The following GRIK1 variants were observed in gnomAD, a reference collection of about 807,000 sequenced individuals.
GRIK1 encodes the protein glutamate ionotropic receptor kainate type subunit 1.
A neutral mutation model predicts 105.7 loss-of-function variants in GRIK1; 69 were observed. That is an observed-to-expected ratio of 0.65 (90% CI 0.54 to 0.80). The LOEUF (loss-of-function observed/expected upper bound fraction) is 0.80, where lower values mean the gene tolerates loss of function less well. GRIK1 is among the 30% of genes least tolerant of loss of function. The probability of loss-of-function intolerance (pLI) is 0.00; values close to 1 mark genes in which losing one functional copy is unlikely to be tolerated. For missense variants in GRIK1, 1,109 were observed against 1,167.3 expected (o/e 0.95, Z 0.73); for synonymous variants, 438 against 431.3 (o/e 1.02, Z -0.19).
intron 1 of GRIK1, among the ~76,000 whole-genome samples, chr21:29,851,256 C>T (rs1601852700): frequency 6.6e-6 from 1 of 151,966 alleles, no homozygotes; most frequent in Admixed American, 6.6e-5. Context: ...GGTTTCACCA[C>T]GTTGGCCAGG....
chr21:29,672,219 G>A (rs917036118), intron 4 of GRIK1, among the ~76,000 whole-genome samples: 2 of 151,640 alleles, frequency 1.3e-5, no homozygotes, highest in Non-Finnish European at 2.9e-5. Context: ...CACCATGCCC[G>A]GCTAATTTCA....
chr21:29,797,276 G>A (rs17188538), intron 1 of GRIK1, among the ~76,000 whole-genome samples: 1,823 of 152,278 alleles, frequency 0.012, 12 homozygotes, highest in Non-Finnish European at 0.015. Flanking sequence ...GTCTGAGGAA[G>A]CCACGCAGAA....
chr21:29,687,659 G>A (rs1013001792), intron 3 of GRIK1, among the ~76,000 whole-genome samples: 5 of 152,188 alleles, frequency 3.3e-5, no homozygotes, highest in East Asian at 1.9e-4. Flanking sequence ...TCAGTTTCTT[G>A]TAGAAGATGA....
intron 1 of GRIK1, among the ~76,000 whole-genome samples, chr21:29,891,671 A>G (rs1296642370): frequency 2.0e-5 from 3 of 152,212 alleles, no homozygotes; most frequent in Admixed American, 2.0e-4. Context: ...ACCATATCAG[A>G]TCCTTCAGAT....
chr21:29,643,500 A>C (rs1375168334), intron 6 of GRIK1, among the ~76,000 whole-genome samples: 2 of 152,252 alleles, frequency 1.3e-5, no homozygotes, highest in East Asian at 3.8e-4. Flanking sequence ...TAGTCATGGA[A>C]TGAAACTCAA....
chr21:29,575,214 A>G (rs142380415), intron 14 of GRIK1, among the ~76,000 whole-genome samples: 1,639 of 152,294 alleles, frequency 0.011, 19 homozygotes, highest in South Asian at 0.029. Flanking sequence ...TATACAAAGA[A>G]ATGTGTACTT....
chr21:29,788,075 G>T (rs1181879590), intron 1 of GRIK1, among the ~76,000 whole-genome samples: 1 of 152,126 alleles, frequency 6.6e-6, no homozygotes, highest in Non-Finnish European at 1.5e-5. Flanking sequence ...AACAGTTATA[G>T]GTGATAAAGA....
At chr21:29,838,734 C>T (rs1310818462) in intron 1 of GRIK1, among the ~76,000 whole-genome samples, 1 of 152,118 alleles carries the variant, frequency 6.6e-6, no homozygotes. Flanking sequence ...AGCAGAGACT[C>T]TAAAATTATT....
intron 1 of GRIK1, among the ~76,000 whole-genome samples, chr21:29,787,487 C>A (rs1360754095): frequency 1.3e-5 from 2 of 152,146 alleles, no homozygotes; most frequent in African/African-American, 4.8e-5. Context: ...TTAATTGATT[C>A]TCTGTAACTT....
intron 1 of GRIK1, among the ~76,000 whole-genome samples, chr21:29,890,882 G>T (rs1047467644): frequency 2.0e-5 from 3 of 152,098 alleles, no homozygotes; most frequent in Non-Finnish European, 4.4e-5. Flanking sequence ...ATAATGAAGT[G>T]CCAGAAAAAG....
At chr21:29,861,140 A>G (rs907345926) in intron 1 of GRIK1, among the ~76,000 whole-genome samples, 11 of 152,144 alleles carry the variant, frequency 7.2e-5, no homozygotes, top group African/African-American at 2.7e-4. Context: ...ATGTCTTCCA[A>G]TCTCCCGGTT....
In GRIK1 at chr21:29,614,258, G is replaced by A. The variant is rs1422917392; in HGVS notation, c.1099-15321C>T. ...CTCCTGCATCCCGTCAGTCCTGGAG[G>A]CATTTACGCTGATCTCTGTGCATTT... On this transcript the variant is annotated intron_variant, in intron 7 of 17. Transcript: ENST00000327783. 8.5e-5 allele frequency among the ~76,000 whole-genome samples: 13 copies of A among 152,204 alleles called. No individual in the cohort carries two copies. The South Asian group carries it at 2.5e-3, about 29-fold the overall frequency.
chr21:29,643,752 T>C (rs779229590), intron 6 of GRIK1, among the ~76,000 whole-genome samples: 10 of 152,356 alleles, frequency 6.6e-5, no homozygotes, highest in Middle Eastern at 3.4e-3. Context: ...AATCTTATAA[T>C]ACCCTTGCAT....
At chr21:29,686,435 C>T (rs1444753937) in intron 3 of GRIK1, among the ~76,000 whole-genome samples, 1 of 152,088 alleles carries the variant, frequency 6.6e-6, no homozygotes, top group Non-Finnish European at 1.5e-5. Context: ...GGCATGAAAA[C>T]CCAGAAACCA....
At chr21:29,560,684 C>T (rs927145140) in intron 15 of GRIK1, among the ~76,000 whole-genome samples, 1 of 150,628 alleles carries the variant, frequency 6.6e-6, no homozygotes, top group Admixed American at 6.7e-5. Flanking sequence ...TCACTGCAAC[C>T]TCCACCTCCC....
intron 1 of GRIK1, among the ~76,000 whole-genome samples, chr21:29,907,856 G>A (rs940461089): frequency 1.3e-5 from 2 of 152,050 alleles, no homozygotes; most frequent in African/African-American, 4.8e-5. Context: ...TAGAAACTAT[G>A]TCAGTCCATT....
At position 29,560,511 on chromosome 21, in the gene GRIK1, C is replaced by CTTTCTTTCTTTCTTT. The variant is rs1568815314; in HGVS notation, c.2356+1112_2356+1113insAAAGAAAGAAAGAAA. Among the ~76,000 whole-genome samples, 101 of 40,206 alleles carry CTTTCTTTCTTTCTTT rather than the reference C, an allele frequency of 2.5e-3. 15 individuals are homozygous for CTTTCTTTCTTTCTTT. Among genetic ancestry groups the CTTTCTTTCTTTCTTT allele is most frequent in the African/African-American group, 4.5e-3 (32 of 7,102 alleles). 26.4% of individuals were successfully genotyped at this position (40,206 alleles called of 152,430 possible). A position where few individuals can be genotyped will look rare whatever the true frequency, so the allele number is the denominator to read the frequency against. ...TCTTTCTTTCTTTCCTTCCTTCCTT[C>CTTTCTTTCTTTCTTT]CTTCCTTCCTTTCTTTCTTTCTTTC... On this transcript the variant is annotated intron_variant, in intron 15 of 17. Transcript: ENST00000327783.
intron 7 of GRIK1, among the ~76,000 whole-genome samples, chr21:29,623,408 T>C (rs996626009): frequency 1.3e-5 from 2 of 151,680 alleles, no homozygotes; most frequent in Non-Finnish European, 2.9e-5. Flanking sequence ...CAGTTAGTTA[T>C]GACCCAAACC....
At chr21:29,695,957 C>A (rs765851111) in intron 1 of GRIK1, among the ~76,000 whole-genome samples, 1 of 152,108 alleles carries the variant, frequency 6.6e-6, no homozygotes, top group African/African-American at 2.4e-5. Context: ...ACGCATCATG[C>A]GCGTCATTTA....
Sources: allele counts gnomAD v4.1 joint callset (sites outside exome capture counted in the v4.1 genomes callset), GRCh38; gene constraint gnomAD v4.1.1; transcripts MANE v1.5; gene names NCBI Gene and HGNC (gene_info 2026-07-23, HGNC 2026-07-21).